Variants in SNX29 observed in about 807,000 individuals in gnomAD.
SNX29 encodes sorting nexin-29.
A neutral mutation model predicts 102.1 loss-of-function variants in SNX29; 78 were observed. The ratio of observed to expected loss-of-function variants is 0.76; its 90% CI spans 0.64 to 0.92. SNX29 has a LOEUF of 0.92. Ranked by LOEUF, SNX29 falls within the 40% of genes least tolerant of loss-of-function variation. The probability of loss-of-function intolerance (pLI) is 0.00; values close to 1 mark genes in which losing one functional copy is unlikely to be tolerated. For synonymous variants in SNX29, 580 were observed against 414.5 expected (o/e 1.40, Z -4.85); for missense variants, 1,280 against 1,061.7 (o/e 1.21, Z -2.86).
chr16:11,992,254 A>G (rs1242802932), intron 1 of SNX29, among the ~76,000 whole-genome samples: 1 of 152,064 alleles, frequency 6.6e-6, no homozygotes, highest in Non-Finnish European at 1.5e-5. Context: ...TGATCATGCC[A>G]CTGTACTTCA....
intron 18 of SNX29, among the ~76,000 whole-genome samples, chr16:12,452,920 G>A (rs150175218): frequency 1.6e-4 from 24 of 152,240 alleles, no homozygotes; most frequent in African/African-American, 5.3e-4. Flanking sequence ...TTCTGAGGCC[G>A]TTTGTTAGTA....
intron 19 of SNX29, among the ~76,000 whole-genome samples, chr16:12,512,395 T>C (rs972643742): frequency 1.1e-5 from 1 of 86,970 alleles, no homozygotes; most frequent in Non-Finnish European, 2.5e-5. Flanking sequence ...TATATATATA[T>C]ATATATATAT....
At chr16:12,277,603 C>T (rs1567388389) in intron 14 of SNX29, among the ~76,000 whole-genome samples, 1 of 152,004 alleles carries the variant, frequency 6.6e-6, no homozygotes, top group African/African-American at 2.4e-5. Flanking sequence ...GTGACAAAGT[C>T]TAGTTATGTC....
intron 13 of SNX29, among the ~76,000 whole-genome samples, chr16:12,179,697 G>A (rs1482214226): frequency 1.3e-5 from 2 of 152,108 alleles, no homozygotes; most frequent in African/African-American, 2.4e-5. Context: ...CATCTGTGAC[G>A]GATTCTGCAA....
At chr16:12,565,538 A>T (rs1272790938) in intron 20 of SNX29, among the ~76,000 whole-genome samples, 1 of 151,976 alleles carries the variant, frequency 6.6e-6, no homozygotes, top group East Asian at 1.9e-4. Context: ...GGCCTCGAGG[A>T]TTGAACCATC....
intron 13 of SNX29, among the ~76,000 whole-genome samples, chr16:12,135,970 C>T (rs1215317759): frequency 2.6e-5 from 4 of 152,220 alleles, no homozygotes; most frequent in Admixed American, 1.3e-4. Context: ...CTCAGAGCAC[C>T]GCTCCAGACT....
intron 11 of SNX29, among the ~76,000 whole-genome samples, chr16:12,105,225 C>G (rs1161139897): frequency 2.1e-5 from 3 of 143,216 alleles, no homozygotes; most frequent in African/African-American, 7.5e-5. Context: ...CCCTCCCTCC[C>G]TCCCTTCCTT....
At chr16:12,240,559 TATAAA>T (rs890510485) in intron 14 of SNX29, among the ~76,000 whole-genome samples, 1 of 150,648 alleles carries the variant, frequency 6.6e-6, no homozygotes, top group African/African-American at 2.4e-5. Context: ...GCTTCTTACT[TATAAA>T]ATAGCATTTC....
intron 16 of SNX29, among the ~76,000 whole-genome samples, chr16:12,357,077 A>G (rs2082155858): frequency 1.3e-5 from 2 of 152,246 alleles, no homozygotes; most frequent in South Asian, 4.1e-4. Flanking sequence ...TACAAACCAC[A>G]ATGCCGTGAG....
At chr16:12,188,744 A>G (rs913332180) in intron 13 of SNX29, among the ~76,000 whole-genome samples, 1 of 152,166 alleles carries the variant, frequency 6.6e-6, no homozygotes, top group African/African-American at 2.4e-5. Context: ...AGCTTTTTAC[A>G]GCTCCATTTT....
At chr16:12,503,018 T>C (rs1030783780) in intron 19 of SNX29, among the ~76,000 whole-genome samples, 1 of 152,194 alleles carries the variant, frequency 6.6e-6, no homozygotes, top group Admixed American at 6.5e-5. Flanking sequence ...CCTAATCCCA[T>C]GTATCTTGTT....
intron 11 of SNX29, among the ~76,000 whole-genome samples, chr16:12,084,724 C>T (rs2052077367): frequency 6.6e-6 from 1 of 152,054 alleles, no homozygotes; most frequent in Non-Finnish European, 1.5e-5. Context: ...TCATGGGCGG[C>T]CATGAAGATA....
intron 1 of SNX29, among the ~76,000 whole-genome samples, chr16:11,978,949 CAAAA>C (rs1009332274): frequency 1.6e-4 from 24 of 149,644 alleles, no homozygotes; most frequent in African/African-American, 5.2e-4. Flanking sequence ...AACAAAAAAA[CAAAA>C]GAAAGAAAAC....
At chr16:12,466,125 G>T (rs979227236) in intron 18 of SNX29, among the ~76,000 whole-genome samples, 6 of 152,154 alleles carry the variant, frequency 3.9e-5, no homozygotes, top group African/African-American at 1.4e-4. Context: ...GTTCAATATA[G>T]TACTGGAAGT....
chr16:12,553,366 C>G (rs779498279), intron 20 of SNX29, among the ~76,000 whole-genome samples: 2 of 152,160 alleles, frequency 1.3e-5, no homozygotes, highest in East Asian at 1.9e-4. Context: ...TCAGAGCTTG[C>G]CAGACATGCT....
intron 14 of SNX29, among the ~76,000 whole-genome samples, chr16:12,256,244 T>C (rs1169719013): frequency 1.3e-5 from 2 of 152,254 alleles, no homozygotes; most frequent in Admixed American, 1.3e-4. Flanking sequence ...TTGAGTTGTT[T>C]GAGTTCCTTG....
At chr16:12,044,511 G>A (rs540503672) in intron 5 of SNX29, among the ~76,000 whole-genome samples, 5 of 152,266 alleles carry the variant, frequency 3.3e-5, no homozygotes, top group South Asian at 2.1e-4. Flanking sequence ...GTCAGAGTTC[G>A]GAGGCTGAGA....
At chr16:12,191,815 C>T (rs1185490324) in intron 13 of SNX29, among the ~76,000 whole-genome samples, 6 of 152,208 alleles carry the variant, frequency 3.9e-5, no homozygotes, top group Non-Finnish European at 7.3e-5. Context: ...TGCCTCCCTT[C>T]TTGCCTTTTA....
chr16:12,572,826 G>C lies in SNX29; in HGVS notation c.*4197G>C, dbSNP rs1290651237. ...ATCAGACTGGTTAGGAGGCATCCCA[G>C]AAGGGGCAGCCTCATGCCCAGGTTT... is the stretch of plus-strand genomic sequence containing the variant. On this transcript the variant is annotated 3_prime_UTR_variant, in exon 21 of 21. Coordinates refer to ENST00000566228, the MANE Select transcript of SNX29 (RefSeq NM_032167.5). 1 of 1,064,062 alleles carries C rather than the reference G, an allele frequency of 9.4e-7. No individual in the cohort carries two copies. Among genetic ancestry groups the C allele is most frequent in the African/African-American group, 1.6e-5 (1 of 61,106 alleles). 65.9% of individuals were successfully genotyped at this position (1,064,062 alleles called of 1,614,324 possible). A position where few individuals can be genotyped will look rare whatever the true frequency, so the allele number is the denominator to read the frequency against.
Sources: gnomAD v4.1 joint callset for allele counts (sites outside exome capture counted in the v4.1 genomes callset) on GRCh38, gnomAD v4.1.1 for gene constraint, MANE v1.5 for transcripts, NCBI Gene and HGNC (gene_info 2026-07-23, HGNC 2026-07-21) for gene names.